CTIF: variants seen among roughly 807,000 people sequenced by gnomAD.
The protein encoded by CTIF is cap binding complex dependent translation initiation factor.
CTIF carries 21 observed loss-of-function variants against 66.0 expected under a neutral mutation model. The observed-to-expected ratio is 0.32, with a 90% CI of 0.23 to 0.46. The LOEUF is 0.46. Among genes scored for constraint, CTIF ranks in the 20% least tolerant of loss-of-function variants. CTIF has a pLI of 1.00. For missense variants in CTIF, 739 were observed against 812.7 expected (o/e 0.91, Z 1.10); for synonymous variants, 345 against 326.4 (o/e 1.06, Z -0.62).
At chr18:48,738,537 C>CT (rs1447661051) in intron 7 of CTIF, among the ~76,000 whole-genome samples, 3 of 151,706 alleles carry the variant, frequency 2.0e-5, no homozygotes, top group Non-Finnish European at 4.4e-5. Flanking sequence ...CTGGCTGTTC[C>CT]CCCTCCCCGG....
intron 9 of CTIF, among the ~76,000 whole-genome samples, chr18:48,764,620 C>T (rs1483848280): frequency 1.3e-5 from 2 of 152,192 alleles, no homozygotes; most frequent in Non-Finnish European, 2.9e-5. Flanking sequence ...CCACCCAAGG[C>T]AGTCATGGCT....
chr18:48,570,743 C>T (rs2089398227), intron 1 of CTIF, among the ~76,000 whole-genome samples: 1 of 151,948 alleles, frequency 6.6e-6, no homozygotes, highest in Non-Finnish European at 1.5e-5. Flanking sequence ...TATGCAGAGG[C>T]CTGGAGGTGA....
Position 48,761,702 on chromosome 18 carries a change from C to G in CTIF, c.1371+13C>G. ...CAACATGCTGCAGGTAACTGGACGCCGGCCACCACCGCCCCGCGCCCCCTG... is the reference window on the plus strand; with the variant it reads ...CAACATGCTGCAGGTAACTGGACGCGGGCCACCACCGCCCCGCGCCCCCTG... On this transcript the variant is annotated intron_variant, in intron 9 of 11. Coordinates refer to ENST00000256413, the MANE Select transcript of CTIF (RefSeq NM_014772.3). This position sits in a 1 kb window ranked among gnomAD's most constrained non-coding sequence, Gnocchi z 4.2. 6.3e-7 allele frequency: 1 copy of G among 1,598,704 alleles called. No individual in the cohort carries two copies. Among genetic ancestry groups the G allele is most frequent in the Non-Finnish European group, 8.6e-7 (1 of 1,169,120 alleles).
chr18:48,810,650 C>T (rs927992948), intron 9 of CTIF, among the ~76,000 whole-genome samples: 4 of 151,424 alleles, frequency 2.6e-5, no homozygotes, highest in African/African-American at 9.7e-5. Flanking sequence ...TTCATTTAAT[C>T]GGCCATAGAA....
At chr18:48,788,738 A>C (rs1035136643) in intron 9 of CTIF, among the ~76,000 whole-genome samples, 4 of 152,170 alleles carry the variant, frequency 2.6e-5, no homozygotes, top group African/African-American at 9.7e-5. Context: ...TCACCATCAC[A>C]GGGAAACTCA....
intron 6 of CTIF, among the ~76,000 whole-genome samples, chr18:48,695,937 C>G (rs570132499): frequency 6.6e-6 from 1 of 152,346 alleles, no homozygotes; most frequent in South Asian, 2.1e-4. Flanking sequence ...TCAAAGATGC[C>G]CAAGCCTGGT....
At chr18:48,628,798 C>A (rs2090648651) in intron 2 of CTIF, among the ~76,000 whole-genome samples, 1 of 152,152 alleles carries the variant, frequency 6.6e-6, no homozygotes, top group Non-Finnish European at 1.5e-5. Flanking sequence ...AAGATGGGAG[C>A]AAAAGCCTCC....
Position 48,860,519 on chromosome 18 carries a change from G to C in CTIF, c.*960G>C, listed in dbSNP as rs1275164705. On this transcript the variant is annotated 3_prime_UTR_variant, in exon 12 of 12. Coordinates refer to ENST00000256413, the MANE Select transcript of CTIF (RefSeq NM_014772.3). ...TTCCAGCGCCTCTGTTTTCTCAAAG[G>C]GCTGATACTGTCACCACTGGGACCA... is the stretch of plus-strand genomic sequence containing the variant. 6.5e-6 allele frequency: 1 copy of C among 155,032 alleles called. No homozygotes were observed. Among genetic ancestry groups the C allele is most frequent in the Non-Finnish European group, 1.4e-5 (1 of 69,834 alleles). 9.6% of individuals were successfully genotyped at this position (155,032 alleles called of 1,614,324 possible).
intron 7 of CTIF, among the ~76,000 whole-genome samples, chr18:48,720,859 G>T (rs967565373): frequency 6.6e-6 from 1 of 152,148 alleles, no homozygotes; most frequent in Admixed American, 6.5e-5. Flanking sequence ...TGTTGAGGCT[G>T]GCCCACAACT....
chr18:48,631,632 A>G (rs1187613288), intron 2 of CTIF, among the ~76,000 whole-genome samples: 1 of 152,264 alleles, frequency 6.6e-6, no homozygotes, highest in Admixed American at 6.5e-5. Context: ...TCTCATGTTT[A>G]TTAAGTCTTA....
intron 7 of CTIF, among the ~76,000 whole-genome samples, chr18:48,713,881 G>A (rs890158976): frequency 1.3e-5 from 2 of 152,232 alleles, no homozygotes; most frequent in African/African-American, 4.8e-5. Context: ...AGTCAGAGCA[G>A]CAGCCATGCC....
chr18:48,692,020 A>G (rs57430092), intron 6 of CTIF, among the ~76,000 whole-genome samples: 13,890 of 152,220 alleles, frequency 0.091, 1,792 homozygotes, highest in African/African-American at 0.29. Context: ...TAGCTGGATT[A>G]CAGGCGTGTG....
intron 10 of CTIF, among the ~76,000 whole-genome samples, chr18:48,818,010 C>G (rs1218500952): frequency 6.6e-6 from 1 of 152,236 alleles, no homozygotes; most frequent in East Asian, 1.9e-4. Flanking sequence ...TTGGATTGGA[C>G]TGGTTTGCCA....
chr18:48,692,009 G>A (rs2091933247), intron 6 of CTIF, among the ~76,000 whole-genome samples: 1 of 152,178 alleles, frequency 6.6e-6, no homozygotes, highest in African/African-American at 2.4e-5. Flanking sequence ...AGCCTCCCGA[G>A]TAGCTGGATT....
At chr18:48,664,574 C>T (rs750183360) in intron 5 of CTIF, 23 bp downstream of exon 5, 2 of 1,602,588 alleles carry the variant, frequency 1.2e-6, no homozygotes, top group African/African-American at 1.3e-5. Flanking sequence ...GGGGCTCTTA[C>T]CCAGGGTGGG....
chr18:48,592,071 T>G (rs2089897324), intron 1 of CTIF, among the ~76,000 whole-genome samples: 2 of 152,202 alleles, frequency 1.3e-5, no homozygotes, highest in Non-Finnish European at 1.5e-5. Flanking sequence ...CTTTTTCTAC[T>G]GAAACACCCC....
Position 48,711,639 on chromosome 18 carries a change from T to G in CTIF, c.528T>G (p.His176Gln). 6.2e-7 allele frequency: 1 copy of G among 1,613,994 alleles called. No individual in the cohort carries two copies. The highest frequency in any genetic ancestry group is 8.5e-7 in the Non-Finnish European group (1 of 1,179,912). Residue 176 changes from histidine (H) to glutamine (Q), a missense_variant, in exon 7 of 12, where the codon CAT becomes CAG. Transcript: ENST00000256413. ...CACAGGGCTACCACCCGATGCCCCA[T>G]GAAGTGGAGATCGCACACACCAAGA... is the stretch of plus-strand genomic sequence containing the variant. ...PAWQGYHPMPHEVEIAHTKKL... is the reference protein window; with the variant it reads ...PAWQGYHPMPQEVEIAHTKKL...
At chr18:48,752,077 T>A (rs1054876137) in intron 7 of CTIF, among the ~76,000 whole-genome samples, 4 of 152,186 alleles carry the variant, frequency 2.6e-5, no homozygotes, top group Admixed American at 6.5e-5. Context: ...GAGGTAAACA[T>A]CTGATTTCTA....
intron 1 of CTIF, among the ~76,000 whole-genome samples, chr18:48,602,850 AATGGATGGATGGATGG>A (rs60224766): frequency 6.5e-4 from 93 of 142,670 alleles, no homozygotes; most frequent in Non-Finnish European, 4.5e-4. Context: ...TGGATGGATG[AATGGATGGATGGATGG>A]ATGGATGGAT....
Sources: gnomAD v4.1 joint callset for allele counts (sites outside exome capture counted in the v4.1 genomes callset) on GRCh38, gnomAD v4.1.1 for gene constraint, Gnocchi (gnomAD v3.1) non-coding constraint, MANE v1.5 for transcripts, NCBI Gene and HGNC (gene_info 2026-07-23, HGNC 2026-07-21) for gene names.